FRMD4B: variants seen among roughly 807,000 people sequenced by gnomAD.
The protein encoded by FRMD4B is FERM domain-containing protein 4B.
FRMD4B carries 74 observed loss-of-function variants against 141.5 expected under a neutral mutation model. That is an observed-to-expected ratio of 0.52 (90% CI 0.43 to 0.63). The LOEUF is 0.63. Among genes scored for constraint, FRMD4B ranks in the 30% least tolerant of loss-of-function variants. The probability of loss-of-function intolerance (pLI) is 0.00; values close to 1 mark genes in which losing one functional copy is unlikely to be tolerated. For missense variants in FRMD4B, 1,366 were observed against 1,253.4 expected, an observed-to-expected ratio of 1.09 and a Z score of -1.36; for synonymous variants, 506 against 467.9, an observed-to-expected ratio of 1.08 and a Z score of -1.05.
At chr3:69,182,777 T>C (rs1438173925) in intron 19 of FRMD4B, 60 bp from the exon 20 acceptor site, 3 of 1,556,616 alleles carry the variant, frequency 1.9e-6, no homozygotes, top group Admixed American at 1.9e-5. Flanking sequence ...TCTGGCAAAC[T>C]TGTCATAAGC....
At chr3:69,436,553 T>C (rs1482427038) in intron 1 of FRMD4B, among the ~76,000 whole-genome samples, 3 of 152,150 alleles carry the variant, frequency 2.0e-5, no homozygotes, top group Non-Finnish European at 4.4e-5. Flanking sequence ...AAAGGTTAAA[T>C]ATAGAATTAC....
intron 1 of FRMD4B, among the ~76,000 whole-genome samples, chr3:69,330,604 C>T (rs113461800): frequency 0.054 from 8,155 of 151,612 alleles, 761 homozygotes; most frequent in African/African-American, 0.19. Flanking sequence ...CTCAGCCTCC[C>T]AAAGTTCTGG....
intron 7 of FRMD4B, among the ~76,000 whole-genome samples, chr3:69,235,215 C>T (rs2093337838): frequency 6.7e-6 from 1 of 148,962 alleles, no homozygotes. Flanking sequence ...AAGAAAGAAA[C>T]TGTAATCAAC....
At chr3:69,185,684 G>A (rs114644245) in intron 19 of FRMD4B, among the ~76,000 whole-genome samples, 299 of 152,220 alleles carry the variant, frequency 2.0e-3, no homozygotes, top group African/African-American at 6.6e-3. Flanking sequence ...CAGGGTTGTC[G>A]TGAAGATTAA....
chr3:69,356,701 C>T (rs2005546), intron 1 of FRMD4B, among the ~76,000 whole-genome samples: 21,717 of 150,684 alleles, frequency 0.14, 1,981 homozygotes, highest in African/African-American at 0.24. Context: ...CTAATACACC[C>T]CATACCCATT....
chr3:69,382,341 C>T (rs1704137700), intron 1 of FRMD4B, among the ~76,000 whole-genome samples: 1 of 151,958 alleles, frequency 6.6e-6, no homozygotes, highest in Non-Finnish European at 1.5e-5. Flanking sequence ...CACTCAGCTA[C>T]TTTTTGTATT....
intron 2 of FRMD4B, among the ~76,000 whole-genome samples, chr3:69,428,069 C>T (rs7625432): frequency 0.34 from 51,555 of 151,782 alleles, 9,038 homozygotes; most frequent in African/African-American, 0.4. Context: ...TATCAGTGCA[C>T]TCAAGCTTTT....
chr3:69,332,019 G>A (rs1056908977), intron 1 of FRMD4B, among the ~76,000 whole-genome samples: 1 of 152,090 alleles, frequency 6.6e-6, no homozygotes, highest in African/African-American at 2.4e-5. Context: ...CCCAGGAGAG[G>A]GAGGTTAAAG....
At chr3:69,226,759 G>A (rs984876774) in intron 7 of FRMD4B, among the ~76,000 whole-genome samples, 1 of 152,076 alleles carries the variant, frequency 6.6e-6, no homozygotes, top group African/African-American at 2.4e-5. Flanking sequence ...TCATATGATG[G>A]AACTGTTTTT....
chr3:69,319,613 T>C (rs1701930688), intron 1 of FRMD4B, among the ~76,000 whole-genome samples: 1 of 152,162 alleles, frequency 6.6e-6, no homozygotes, highest in African/African-American at 2.4e-5. Context: ...ACTTTAATTA[T>C]ATCAATAATA....
At chr3:69,496,788 C>T (rs367633948) in intron 1 of FRMD4B, among the ~76,000 whole-genome samples, 18 of 152,080 alleles carry the variant, frequency 1.2e-4, no homozygotes, top group African/African-American at 3.9e-4. Context: ...TTGCTTAAGT[C>T]GCTATGGGCT....
intron 2 of FRMD4B, among the ~76,000 whole-genome samples, chr3:69,415,344 G>A (rs980359820): frequency 1.3e-5 from 2 of 152,172 alleles, no homozygotes; most frequent in African/African-American, 4.8e-5. Context: ...AAGATACTAT[G>A]GATTGGGGAG....
intron 1 of FRMD4B, among the ~76,000 whole-genome samples, chr3:69,473,428 G>A (rs954451224): frequency 6.6e-6 from 1 of 152,102 alleles, no homozygotes; most frequent in Non-Finnish European, 1.5e-5. Flanking sequence ...TGGCTTCATT[G>A]GCAATGCAGC....
intron 11 of FRMD4B, among the ~76,000 whole-genome samples, chr3:69,210,607 G>C (rs2093066330): frequency 6.6e-6 from 1 of 152,102 alleles, no homozygotes; most frequent in Admixed American, 6.5e-5. Flanking sequence ...AATGTTTGTG[G>C]TTTGTAATTT....
chr3:69,309,321 C>G (rs6800693), intron 3 of FRMD4B, among the ~76,000 whole-genome samples: 43,255 of 94,526 alleles, frequency 0.46, 8,046 homozygotes, highest in African/African-American at 0.61. Context: ...TTTTTTTTTT[C>G]GTAGAGATGG....
chr3:69,302,997 C>A (rs1701266387), intron 3 of FRMD4B, among the ~76,000 whole-genome samples: 1 of 152,148 alleles, frequency 6.6e-6, no homozygotes. Context: ...TCGCTTGAAC[C>A]CGGGAGGCGG....
chr3:69,454,020 C>T (rs752435391), intron 1 of FRMD4B, among the ~76,000 whole-genome samples: 7 of 152,168 alleles, frequency 4.6e-5, no homozygotes, highest in Admixed American at 6.5e-5. Context: ...TGTTTGCCTC[C>T]TCCTCAGGCC....
chr3:69,464,697 G>A (rs72628617), intron 1 of FRMD4B, among the ~76,000 whole-genome samples: 39,373 of 151,972 alleles, frequency 0.26, 5,312 homozygotes, highest in East Asian at 0.39. Context: ...CAATATCCCC[G>A]AGTGATCACC....
intron 1 of FRMD4B, among the ~76,000 whole-genome samples, chr3:69,443,789 C>G (rs1705372637): frequency 6.6e-6 from 1 of 152,232 alleles, no homozygotes; most frequent in Admixed American, 6.5e-5. Context: ...CTTCTGCAAA[C>G]TAAACTGCCT....
Sources: gnomAD v4.1 joint callset for allele counts (sites outside exome capture counted in the v4.1 genomes callset) on GRCh38, gnomAD v4.1.1 for gene constraint, MANE v1.5 for transcripts, NCBI Gene and HGNC (gene_info 2026-07-23, HGNC 2026-07-21) for gene names.